Variants in FASTKD3 observed in about 807,000 individuals in gnomAD.
FASTKD3 encodes the protein FAST kinase domain-containing protein 3, mitochondrial.
FASTKD3 carries 47 observed loss-of-function variants against 49.7 expected under a neutral mutation model. The observed-to-expected ratio is 0.95, with a 90% CI of 0.75 to 1.21. The LOEUF (loss-of-function observed/expected upper bound fraction) is 1.21. Among genes scored for constraint, FASTKD3 ranks in the 50% most tolerant of loss-of-function variants. FASTKD3 has a pLI of 0.00. For missense variants in FASTKD3, 748 were observed against 765.7 expected, an observed-to-expected ratio of 0.98 and a Z score of 0.27; for synonymous variants, 284 against 288.6, an observed-to-expected ratio of 0.98 and a Z score of 0.16.
chr5:7,866,945 C>A lies in FASTKD3; in HGVS notation c.1139G>T (p.Arg380Ile), dbSNP rs772755203. Reference protein sequence around the residue: ...VVCRVMEYCSRELILSKPILN... With the variant: ...VVCRVMEYCSIELILSKPILN... Reference sequence around the variant, plus strand: ...GATGGGTTTTGAAAGAATCAGTTCTCTACTGCAGTACTCCATGACCCTGCA... The same window carrying A: ...GATGGGTTTTGAAAGAATCAGTTCTATACTGCAGTACTCCATGACCCTGCA... Residue 380 changes from arginine to isoleucine, a missense_variant, in exon 2 of 7, where the codon AGA (arginine) becomes ATA (isoleucine). Around this residue, in one of 3 missense-constraint regions of FASTKD3, gnomAD observed 564 missense variants for 562.8 expected, o/e 1.00. Coordinates refer to ENST00000264669, the MANE Select transcript of FASTKD3 (RefSeq NM_024091.4). The A allele has an allele frequency of 2.8e-5, 45 of 1,614,072 alleles. No homozygotes were observed. The highest frequency in any genetic ancestry group is 3.8e-5 in the Non-Finnish European group (45 of 1,180,054).
Position 7,867,109 on chromosome 5 carries a change from A to T in FASTKD3, c.975T>A (p.His325Gln). 4 of 1,614,194 alleles carry T rather than the reference A, an allele frequency of 2.5e-6. No individual in the cohort carries two copies. Among genetic ancestry groups the T allele is most frequent in the Non-Finnish European group, 3.4e-6 (4 of 1,180,040 alleles). ...GCTCCTCGTTAGTGAAATGTGGGAC[A>T]TGCCTCACGACATATTTGCCCAATT... Reference protein sequence around the residue: ...IIKLGKYVVRHVPHFTNEELR... With the variant: ...IIKLGKYVVRQVPHFTNEELR... Residue 325 changes from histidine (H) to glutamine (Q), a missense_variant, in exon 2 of 7, where the codon CAT (histidine) becomes CAA (glutamine). His to Gln is a conservative substitution (Grantham distance 24). This residue lies in a region of FASTKD3 where 564 missense variants were observed against 562.8 expected (regional missense o/e 1.00). Coordinates refer to ENST00000264669, the MANE Select transcript of FASTKD3 (RefSeq NM_024091.4).
In FASTKD3 at chr5:7,867,687, C is replaced by G; in HGVS notation, c.397G>C (p.Ala133Pro). The change falls in exon 2 of 7, where the codon GCT becomes CCT. Residue 133 changes from alanine (A) to proline (P), a missense_variant. Coordinates refer to ENST00000264669, the MANE Select transcript of FASTKD3 (RefSeq NM_024091.4). ...ETLPDTMAAG[A>P]LQRICEVEKK... ...TCCACTTCACAAATTCGTTGTAAAG[C>G]TCCTGCTGCCATAGTGTCAGGCAGG... The G allele has an allele frequency of 6.2e-7, 1 of 1,614,230 alleles. No homozygotes were observed. Among genetic ancestry groups the G allele is most frequent in the Non-Finnish European group, 8.5e-7 (1 of 1,180,046 alleles).
intron 1 of FASTKD3, 73 bp downstream of exon 1, chr5:7,868,906 C>G (rs951845328): frequency 3.3e-6 from 2 of 608,482 alleles, no homozygotes; most frequent in Non-Finnish European, 6.0e-6. Flanking sequence ...GCGGCGCAGC[C>G]TGAGGAGAAA....
rs1746987035 is a variant in FASTKD3 at position 7,866,796 on chromosome 5, T to C, written c.1288A>G (p.Arg430Gly). ...YLPPNASALF[R>G]KLENVLFTHF... ...GTGAATAGCACGTTTTCCAGCTTTC[T>C]AAATAAAGCAGAGGCATTTGGTGGC... The change falls in exon 2 of 7, where the codon AGA becomes GGA. Residue 430 changes from arginine to glycine, a missense_variant. Physicochemically the swap from Arg to Gly is moderately radical, Grantham distance 125. This residue lies in a region of FASTKD3 where 564 missense variants were observed against 562.8 expected (regional missense o/e 1.00). Coordinates refer to ENST00000264669, the MANE Select transcript of FASTKD3 (RefSeq NM_024091.4). 3 of 1,614,086 alleles carry C rather than the reference T, an allele frequency of 1.9e-6. No homozygotes were observed. In the South Asian group the frequency reaches 3.3e-5, roughly 18 times the overall value.
Position 7,867,706 on chromosome 5 carries a change from A to C in FASTKD3, c.378T>G (p.Pro126=). Residue 126 remains proline (P), a synonymous_variant, in exon 2 of 7, where the codon CCT becomes CCG. Coordinates refer to ENST00000264669, the MANE Select transcript of FASTKD3 (RefSeq NM_024091.4). ...GTAAAGCTCCTGCTGCCATAGTGTC[A>C]GGCAGGGTTTCCATCGTGCTTATAA... ...LSFISTMETL[P]DTMAAGALQR... The C allele has an allele frequency of 6.2e-7, 1 of 1,614,188 alleles. No homozygotes were observed. The highest frequency in any genetic ancestry group is 1.1e-5 in the South Asian group (1 of 91,088).
chr5:7,866,018 T>A, intron 2 of FASTKD3, 35 bp from the exon 3 acceptor site: 1 of 1,488,832 alleles, frequency 6.7e-7, no homozygotes, highest in Non-Finnish European at 9.3e-7. Context: ...TAGTTACGTC[T>A]GAATTGAGGT....
chr5:7,868,733 C>G (rs1747265373), intron 1 of FASTKD3, among the ~76,000 whole-genome samples: 1 of 152,164 alleles, frequency 6.6e-6, no homozygotes, highest in Non-Finnish European at 1.5e-5. Flanking sequence ...GGTGGGGCGG[C>G]CAGTCCAGAT....
intron 4 of FASTKD3, among the ~76,000 whole-genome samples, chr5:7,862,428 A>G (rs1228873892): frequency 6.6e-6 from 1 of 152,182 alleles, no homozygotes; most frequent in African/African-American, 2.4e-5. Flanking sequence ...AAATAGCCAC[A>G]TGGTCTAGTG....
intron 2 of FASTKD3, among the ~76,000 whole-genome samples, chr5:7,866,225 A>C (rs1002136732): frequency 2.6e-5 from 4 of 152,208 alleles, no homozygotes; most frequent in Admixed American, 2.6e-4. Context: ...ATGTTCACAG[A>C]ATTAGTGGAA....
chr5:7,863,074 T>G, intron 3 of FASTKD3, 77 bp from the exon 4 acceptor site: 282 of 1,205,112 alleles, frequency 2.3e-4, no homozygotes, highest in Non-Finnish European at 3.1e-4. Context: ...GTTACCTAGG[T>G]AGAAAAGTTT....
At chr5:7,866,087 T>C (rs1321499022) in intron 2 of FASTKD3, 104 bp from the exon 3 acceptor site, 2 of 827,402 alleles carry the variant, frequency 2.4e-6, no homozygotes, top group Non-Finnish European at 2.0e-6. Flanking sequence ...GACAGAAGTA[T>C]TCTATTTTTA....
At position 7,861,582 on chromosome 5, in the gene FASTKD3, C is replaced by T; in HGVS notation, c.1769+1G>A. The T allele has an allele frequency of 6.3e-7, 1 of 1,579,170 alleles. No homozygotes were observed. The highest frequency in any genetic ancestry group is 8.6e-7 in the Non-Finnish European group (1 of 1,162,008). On this transcript the variant is annotated splice_donor_variant, in intron 5 of 6. Coordinates refer to ENST00000264669, the MANE Select transcript of FASTKD3 (RefSeq NM_024091.4). LOFTEE classifies it high-confidence loss of function. ...GTGAAAAACACAACATTTTCCTGTA[C>T]CTTTTATGGATATCTTCATTAGCTG...
At chr5:7,865,676 T>C (rs1440871602) in intron 3 of FASTKD3, among the ~76,000 whole-genome samples, 7 of 152,130 alleles carry the variant, frequency 4.6e-5, no homozygotes, top group African/African-American at 1.7e-4. Flanking sequence ...CAGCACTTGA[T>C]AAAACCTCCT....
chr5:7,866,609 A>T, intron 2 of FASTKD3, 37 bp downstream of exon 2: 1 of 1,453,498 alleles, frequency 6.9e-7, no homozygotes. Flanking sequence ...TTCAAAGGTT[A>T]CTTTTTTCCA....
intron 6 of FASTKD3, among the ~76,000 whole-genome samples, chr5:7,860,551 A>G (rs549224014): frequency 1.1e-4 from 16 of 152,314 alleles, no homozygotes; most frequent in African/African-American, 3.6e-4. Flanking sequence ...AAGCTCTGAA[A>G]ATTCTGTATT....
At chr5:7,864,097 C>T (rs149877403) in intron 3 of FASTKD3, among the ~76,000 whole-genome samples, 17 of 152,254 alleles carry the variant, frequency 1.1e-4, no homozygotes, top group Non-Finnish European at 1.6e-4. Context: ...GTGATCCACC[C>T]GCCTTGGCCT....
In FASTKD3 at chr5:7,861,662, GAAGA is replaced by G; in HGVS notation, c.1700-14_1700-11del. 6.2e-7 allele frequency: 1 copy of G among 1,606,506 alleles called. No individual in the cohort carries two copies. Among genetic ancestry groups the G allele is most frequent in the Non-Finnish European group, 8.5e-7 (1 of 1,175,788 alleles). On this transcript the variant is annotated splice_polypyrimidine_tract_variant and intron_variant, in intron 4 of 6. Transcript: ENST00000264669. Reference sequence around the variant, plus strand: ...AATTTAATTTCAACATCTGGTGAGAGAAGAAAGGAAAAATTCCTCGTGTGATACC... The same window carrying G: ...AATTTAATTTCAACATCTGGTGAGAGAAGGAAAAATTCCTCGTGTGATACC...
Position 7,859,470 on chromosome 5 carries a change from A to T in FASTKD3, c.1954T>A (p.Phe652Ile). The change falls in exon 7 of 7, where the codon TTT (phenylalanine) becomes ATT (isoleucine). Residue 652 changes from phenylalanine to isoleucine, a missense_variant. Physicochemically the swap from Phe to Ile is conservative, Grantham distance 21 (BLOSUM62 0). Around this residue, in one of 3 missense-constraint regions of FASTKD3, gnomAD observed 178 missense variants for 182.2 expected, o/e 0.98. Coordinates refer to ENST00000264669, the MANE Select transcript of FASTKD3 (RefSeq NM_024091.4). The part of the protein sequence containing the change: ...ELVEYLQRKL[F>I]SQNTVHWLQE ...AACCAATGAACAGTGTTTTGAGAAA[A>T]CAGTTTTCTTTGTAAATATTCCACC... The T allele has an allele frequency of 6.2e-7, 1 of 1,607,466 alleles. No homozygotes were observed. The highest frequency in any genetic ancestry group is 2.2e-5 in the East Asian group (1 of 44,502).
rs750213168 is a variant in FASTKD3, at chr5:7,866,868, G to A, written c.1216C>T (p.Arg406Cys). ...GGTTCCATTAAGGCAGAAATCTGAC[G>A]AGGTGAAAATTTTTCTGTTTGGCAA... Reference protein sequence around the residue: ...FVCQTEKFSPRQISALMEPFG... With the variant: ...FVCQTEKFSPCQISALMEPFG... The change falls in exon 2 of 7, where the codon CGT (arginine) becomes TGT (cysteine). Residue 406 changes from arginine to cysteine, a missense_variant. Physicochemically the swap from Arg to Cys is radical, Grantham distance 180. Transcript: ENST00000264669. The A allele has an allele frequency of 3.7e-6, 6 of 1,613,960 alleles. No homozygotes were observed. Among genetic ancestry groups the A allele is most frequent in the East Asian group, 2.2e-5 (1 of 44,884 alleles).
Sources: gnomAD v4.1 joint callset for allele counts (sites outside exome capture counted in the v4.1 genomes callset) on GRCh38, gnomAD v4.1.1 for gene constraint, gnomAD v4.1.1 regional missense constraint, MANE v1.5 for transcripts, NCBI Gene and HGNC (gene_info 2026-07-23, HGNC 2026-07-21) for gene names.